POFUT3: variants seen among roughly 807,000 people sequenced by gnomAD.
POFUT3 encodes the protein GDP-fucose protein O-fucosyltransferase 3.
the POFUT3 span, among the ~76,000 whole-genome samples, chr8:33,320,984 T>C: frequency 6.6e-6 from 1 of 152,246 alleles, no homozygotes; most frequent in East Asian, 1.9e-4. Context: ...ACGCCATTTT[T>C]AGACGCTAGC....
the POFUT3 span, among the ~76,000 whole-genome samples, chr8:33,356,232 C>T: frequency 1.3e-5 from 2 of 152,298 alleles, no homozygotes; most frequent in East Asian, 3.9e-4. Flanking sequence ...TTCTAGATCC[C>T]TGAGGAATCG....
chr8:33,311,075 G>A, the POFUT3 span, among the ~76,000 whole-genome samples: 65,839 of 152,016 alleles, frequency 0.43, 16,089 homozygotes, highest in East Asian at 0.8. Context: ...ATAATATCCA[G>A]TGGGAGAAAG....
At chr8:33,353,101 T>C in the POFUT3 span, among the ~76,000 whole-genome samples, 1 of 152,368 alleles carries the variant, frequency 6.6e-6, no homozygotes, top group African/African-American at 2.4e-5. Context: ...AGTGTCACTT[T>C]CCAGCCATCT....
the POFUT3 span, among the ~76,000 whole-genome samples, chr8:33,350,327 T>A: frequency 2.6e-5 from 4 of 152,164 alleles, no homozygotes; most frequent in African/African-American, 9.7e-5. Flanking sequence ...TGAAGGTATG[T>A]TGAGCCCCAT....
chr8:33,440,179 ATATTGAGACCATGTC>A, the POFUT3 span, among the ~76,000 whole-genome samples: 29 of 152,238 alleles, frequency 1.9e-4, no homozygotes, highest in African/African-American at 7.0e-4. Flanking sequence ...CCTGGGTAAC[ATATTGAGACCATGTC>A]TCTGTGAAAA....
At chr8:33,413,362 T>C in the POFUT3 span, among the ~76,000 whole-genome samples, 1 of 152,070 alleles carries the variant, frequency 6.6e-6, no homozygotes, top group East Asian at 1.9e-4. Context: ...ACTCACTCTC[T>C]TTCTCTCTCT....
At chr8:33,349,707 A>G in the POFUT3 span, among the ~76,000 whole-genome samples, 1 of 152,148 alleles carries the variant, frequency 6.6e-6, no homozygotes, top group Non-Finnish European at 1.5e-5. Context: ...GGCTAGTTCC[A>G]TATTTTTGCA....
the POFUT3 span, among the ~76,000 whole-genome samples, chr8:33,392,441 T>C: frequency 6.6e-6 from 1 of 151,116 alleles, no homozygotes; most frequent in South Asian, 2.1e-4. Flanking sequence ...CCAGGCATGG[T>C]GGCACATGGT....
the POFUT3 span, among the ~76,000 whole-genome samples, chr8:33,346,075 T>TC: frequency 1.3e-5 from 2 of 149,342 alleles, no homozygotes; most frequent in African/African-American, 2.5e-5. Flanking sequence ...TCCACCCTCC[T>TC]CAGCCTCCCA....
chr8:33,459,022 T>C, the POFUT3 span, among the ~76,000 whole-genome samples: 1 of 152,160 alleles, frequency 6.6e-6, no homozygotes, highest in Non-Finnish European at 1.5e-5. Context: ...CTGTAACTAC[T>C]CATATCCACA....
chr8:33,451,436 GTA>G, the POFUT3 span, among the ~76,000 whole-genome samples: 1 of 151,868 alleles, frequency 6.6e-6, no homozygotes, highest in African/African-American at 2.4e-5. Flanking sequence ...ATATACGTGT[GTA>G]TATATGTGCA....
At chr8:33,384,060 A>G in the POFUT3 span, among the ~76,000 whole-genome samples, 1 of 152,172 alleles carries the variant, frequency 6.6e-6, no homozygotes, top group East Asian at 1.9e-4. Context: ...CACAGGATCA[A>G]CATGGCTCCA....
At chr8:33,453,063 G>C in the POFUT3 span, 1 of 710,672 alleles carries the variant, frequency 1.4e-6, no homozygotes, top group African/African-American at 1.8e-5. Flanking sequence ...TCTGCTAAAT[G>C]CTCAGGCCTT....
At chr8:33,318,559 A>T in the POFUT3 span, among the ~76,000 whole-genome samples, 243 of 88,410 alleles carry the variant, frequency 2.7e-3, no homozygotes, top group Non-Finnish European at 3.7e-3. Context: ...ATATAAATAT[A>T]TATATAATAT....
At chr8:33,324,396 G>C in the POFUT3 span, among the ~76,000 whole-genome samples, 10,696 of 152,058 alleles carry the variant, frequency 0.07, 628 homozygotes, top group African/African-American at 0.14. Flanking sequence ...TGCTCTCCCT[G>C]GACCCTTTTT....
the POFUT3 span, among the ~76,000 whole-genome samples, chr8:33,409,256 C>A: frequency 6.6e-6 from 1 of 152,156 alleles, no homozygotes; most frequent in African/African-American, 2.4e-5. Flanking sequence ...GCATGCACCA[C>A]CATGCCCATC....
the POFUT3 span, among the ~76,000 whole-genome samples, chr8:33,397,068 CAGTGACCTGAGTTTT>C: frequency 6.6e-6 from 1 of 152,168 alleles, no homozygotes. Context: ...ACTAAACTTG[CAGTGACCTGAGTTTT>C]TTCTCATTTT....
At chr8:33,402,355 C>G in the POFUT3 span, among the ~76,000 whole-genome samples, 8 of 152,188 alleles carry the variant, frequency 5.3e-5, no homozygotes. Context: ...CTCCACTTAG[C>G]CTTTGTGATA....
the POFUT3 span, among the ~76,000 whole-genome samples, chr8:33,352,983 C>T: frequency 6.6e-6 from 1 of 152,166 alleles, no homozygotes; most frequent in Non-Finnish European, 1.5e-5. Context: ...TGTGCACAGC[C>T]TGAGACCAAG....
Sources: gnomAD v4.1 joint callset for allele counts (sites outside exome capture counted in the v4.1 genomes callset) on GRCh38, gnomAD v4.1.1 for gene constraint, MANE v1.5 for transcripts, NCBI Gene and HGNC (gene_info 2026-07-23, HGNC 2026-07-21) for gene names.